The following TXK variants were observed in gnomAD, a reference collection of about 807,000 sequenced individuals.
The protein encoded by TXK is TXK tyrosine kinase.
In TXK, 60 loss-of-function variants were observed where a neutral mutation model predicts 81.0. That is an observed-to-expected ratio of 0.74 (90% CI 0.60 to 0.92). The LOEUF (loss-of-function observed/expected upper bound fraction) is 0.92. Ranked by LOEUF, TXK falls within the 40% of genes least tolerant of loss-of-function variation. The probability of loss-of-function intolerance (pLI) is 0.00; values close to 1 mark genes in which losing one functional copy is unlikely to be tolerated. For missense variants in TXK, 581 were observed against 638.3 expected (o/e 0.91, Z 0.97); for synonymous variants, 203 against 210.7 (o/e 0.96, Z 0.32).
Position 48,071,547 on chromosome 4 carries a change from T to G in TXK, c.1485A>C (p.Ile495=). ...LYRPHLAPMS[I]YEVMYSCWHE... is the part of the protein sequence containing the mutation. Reference sequence around the variant, plus strand: ...GCCAGCAGCTGTACATGACTTCATATATGGACATTGGTGCCAGGTGAGGGC... The same window carrying G: ...GCCAGCAGCTGTACATGACTTCATAGATGGACATTGGTGCCAGGTGAGGGC... The change falls in exon 14 of 15, where the codon ATA becomes ATC. Residue 495 remains isoleucine (I), a synonymous_variant. Transcript: ENST00000264316. The G allele has an allele frequency of 6.2e-7, 1 of 1,614,158 alleles. No homozygotes were observed. Among genetic ancestry groups the G allele is most frequent in the Non-Finnish European group, 8.5e-7 (1 of 1,180,022 alleles).
At chr4:48,075,515 T>G (rs1717031859) in intron 12 of TXK, among the ~76,000 whole-genome samples, 1 of 152,062 alleles carries the variant, frequency 6.6e-6, no homozygotes, top group South Asian at 2.1e-4. Context: ...CTGGGCGTGG[T>G]GGCATGTGCC....
intron 1 of TXK, among the ~76,000 whole-genome samples, chr4:48,120,514 C>G (rs1415639795): frequency 2.0e-5 from 3 of 150,442 alleles, no homozygotes; most frequent in Non-Finnish European, 4.4e-5. Flanking sequence ...TGGTTGAGAC[C>G]AAGTCTCGCT....
chr4:48,098,478 T>C (rs2109442461), intron 6 of TXK, among the ~76,000 whole-genome samples: 1 of 152,322 alleles, frequency 6.6e-6, no homozygotes, highest in East Asian at 1.9e-4. Flanking sequence ...ATAGCAGCGC[T>C]AAGGAGAAAA....
intron 1 of TXK, among the ~76,000 whole-genome samples, chr4:48,132,068 A>G (rs1055884550): frequency 3.3e-5 from 5 of 149,772 alleles, no homozygotes; most frequent in African/African-American, 1.2e-4. Context: ...TACAAAATCT[A>G]CAAACAATTG....
intron 6 of TXK, among the ~76,000 whole-genome samples, chr4:48,104,578 T>TATA (rs1553880220): frequency 1.3e-5 from 1 of 76,582 alleles, no homozygotes; most frequent in Non-Finnish European, 2.4e-5. Context: ...ATATAATATA[T>TATA]ATATTATATA....
chr4:48,098,042 C>T (rs1233605874), intron 6 of TXK, among the ~76,000 whole-genome samples: 2 of 152,216 alleles, frequency 1.3e-5, no homozygotes, highest in East Asian at 1.9e-4. Flanking sequence ...CCACCACGCC[C>T]GGCCAAAAGC....
intron 6 of TXK, among the ~76,000 whole-genome samples, chr4:48,098,178 A>G (rs1231501974): frequency 6.6e-6 from 1 of 152,202 alleles, no homozygotes; most frequent in African/African-American, 2.4e-5. Flanking sequence ...TTCAGTTTGT[A>G]TGTAAAAAAT....
At chr4:48,105,072 GT>G in intron 5 of TXK, 117 bp from the exon 6 acceptor site, 1 of 638,340 alleles carries the variant, frequency 1.6e-6, no homozygotes. Flanking sequence ...AAAGTTGAGT[GT>G]TTTTTTAAAT....
chr4:48,083,504 A>G lies in TXK; in HGVS notation c.956+2962T>C, dbSNP rs770183773. ...AGGACCTCCTGAGGCTGTCATGGGC[A>G]TGTCCTTAACCTTGGCCAAGTAAAC... On this transcript the variant is annotated intron_variant, in intron 10 of 14. Transcript: ENST00000264316. 4.7e-4 allele frequency among the ~76,000 whole-genome samples: 71 copies of G among 152,338 alleles called. 1 individual carries two copies. The Middle Eastern group carries it at 0.014, about 29-fold the overall frequency.
At chr4:48,074,813 C>G (rs1177160944) in intron 12 of TXK, among the ~76,000 whole-genome samples, 5 of 152,138 alleles carry the variant, frequency 3.3e-5, no homozygotes, top group Non-Finnish European at 7.3e-5. Context: ...CTACCTCCCT[C>G]CACCTGTCAG....
intron 1 of TXK, among the ~76,000 whole-genome samples, chr4:48,123,668 G>T (rs369541652): frequency 6.6e-6 from 1 of 152,176 alleles, no homozygotes; most frequent in East Asian, 1.9e-4. Flanking sequence ...ATCACAGAGA[G>T]GTTACTCCTT....
chr4:48,076,377 A>C (rs748151982), intron 12 of TXK, 25 bp downstream of exon 12: 1 of 1,499,210 alleles, frequency 6.7e-7, no homozygotes, highest in South Asian at 1.2e-5. Context: ...CAAACAAAAT[A>C]CATATATATA....
chr4:48,105,737 C>G (rs1305947545), intron 5 of TXK, among the ~76,000 whole-genome samples: 1 of 152,106 alleles, frequency 6.6e-6, no homozygotes, highest in Non-Finnish European at 1.5e-5. Context: ...AATACATGAA[C>G]TTGCCTCTAA....
rs747271990 is a variant in TXK, at chr4:48,074,005, T to C, written c.1287A>G (p.Pro429=). The part of the protein sequence containing the change: ...EYVSSFGAKF[P]IKWSPPEVFL... ...AAACTTCAGGAGGGGACCACTTGAT[T>C]GGGAACTTGGCTCCAAAAGAACTGA... Residue 429 remains proline (P), a synonymous_variant, in exon 13 of 15, where the codon CCA becomes CCG. Coordinates refer to ENST00000264316, the MANE Select transcript of TXK (RefSeq NM_003328.3). 17 of 1,613,888 alleles carry C rather than the reference T, an allele frequency of 1.1e-5. No homozygotes were observed. The highest frequency in any genetic ancestry group is 1.4e-5 in the Non-Finnish European group (17 of 1,179,928).
intron 1 of TXK, among the ~76,000 whole-genome samples, chr4:48,117,678 G>C (rs1038777900): frequency 6.6e-6 from 1 of 152,172 alleles, no homozygotes; most frequent in Admixed American, 6.5e-5. Context: ...GGTGAGAGAG[G>C]CTGCTCCAAT....
At chr4:48,078,220 A>G (rs553053737) in intron 11 of TXK, among the ~76,000 whole-genome samples, 2 of 152,350 alleles carry the variant, frequency 1.3e-5, no homozygotes, top group African/African-American at 4.8e-5. Context: ...GATAGACTCT[A>G]GTATTTGTGT....
intron 8 of TXK, among the ~76,000 whole-genome samples, 193 bp downstream of exon 8, chr4:48,093,884 C>T (rs1717873376): frequency 6.6e-6 from 1 of 152,244 alleles, no homozygotes; most frequent in Non-Finnish European, 1.5e-5. Context: ...TGACCTACCT[C>T]TTGCCCCCAA....
intron 10 of TXK, among the ~76,000 whole-genome samples, chr4:48,084,862 TCG>T (rs1186377072): frequency 6.6e-6 from 1 of 152,038 alleles, no homozygotes; most frequent in East Asian, 1.9e-4. Flanking sequence ...GTCCAGTTAA[TCG>T]AGAATGGGTC....
At chr4:48,080,736 C>T (rs1577652482) in intron 10 of TXK, among the ~76,000 whole-genome samples, 1 of 150,296 alleles carries the variant, frequency 6.7e-6, no homozygotes, top group Non-Finnish European at 1.5e-5. Context: ...AAAATATACC[C>T]AGAACTTTTT....
Sources: gnomAD v4.1 joint callset for allele counts (sites outside exome capture counted in the v4.1 genomes callset) on GRCh38, gnomAD v4.1.1 for gene constraint, MANE v1.5 for transcripts, NCBI Gene and HGNC (gene_info 2026-07-23, HGNC 2026-07-21) for gene names.